Variants in SDK1 observed in about 807,000 individuals in gnomAD.
The protein encoded by SDK1 is sidekick cell adhesion molecule 1, also known as protein sidekick-1.
A neutral mutation model predicts 245.5 loss-of-function variants in SDK1; 157 were observed. That is an observed-to-expected ratio of 0.64 (90% CI 0.56 to 0.73). The LOEUF is 0.73. Ranked by LOEUF, SDK1 falls within the 30% of genes least tolerant of loss-of-function variation. SDK1 has a pLI of 0.00. For synonymous variants in SDK1, 1,647 were observed against 1,278.5 expected (o/e 1.29, Z -6.15); for missense variants, 3,583 against 3,002.3 (o/e 1.19, Z -4.52).
rs936481410 is a variant in SDK1 at position 4,041,831 on chromosome 7, T to C, written c.2603-7517T>C. 2.2e-4 allele frequency among the ~76,000 whole-genome samples: 30 copies of C among 136,336 alleles called. 8 individuals are homozygous for C. Among genetic ancestry groups the C allele is most frequent in the African/African-American group, 9.4e-4 (28 of 29,740 alleles). The allele number at this position is 136,336 out of a possible 152,430, so 89.4% of individuals were successfully genotyped here. A position where few individuals can be genotyped will look rare whatever the true frequency, so the allele number is the denominator to read the frequency against. On this transcript the variant is annotated intron_variant, in intron 17 of 44. Transcript: ENST00000404826. ...ACAGCTGCAATTTTTTTTTTCTTTT[T>C]TGTGACGGAGTCTCGCTCCCTTGCC...
chr7:4,126,957 CCTT>C (rs1320335711), intron 25 of SDK1, among the ~76,000 whole-genome samples: 1 of 152,156 alleles, frequency 6.6e-6, no homozygotes, highest in African/African-American at 2.4e-5. Flanking sequence ...CCTCCCTTCC[CCTT>C]CTTTTGTGTA....
At chr7:3,719,460 G>A (rs1785300151) in intron 4 of SDK1, among the ~76,000 whole-genome samples, 1 of 152,052 alleles carries the variant, frequency 6.6e-6, no homozygotes, top group Admixed American at 6.5e-5. Flanking sequence ...AGGTCAGTAG[G>A]ACAAGACAGA....
intron 1 of SDK1, among the ~76,000 whole-genome samples, chr7:3,329,383 C>G (rs1780012766): frequency 6.6e-6 from 1 of 152,274 alleles, no homozygotes; most frequent in East Asian, 1.9e-4. Context: ...TACAATTCAC[C>G]TACCATATAA....
chr7:3,962,616 G>C, intron 8 of SDK1, 41 bp from the exon 9 acceptor site: 1 of 1,496,228 alleles, frequency 6.7e-7, no homozygotes, highest in Non-Finnish European at 9.1e-7. Context: ...CTCACGTCAG[G>C]AATTATTTTT....
Position 4,241,828 on chromosome 7 carries a change from C to G in SDK1, c.6166C>G (p.Leu2056Val). The G allele has an allele frequency of 1.2e-6, 2 of 1,614,162 alleles. No individual in the cohort carries two copies. The highest frequency in any genetic ancestry group is 1.7e-6 in the Non-Finnish European group (2 of 1,180,026). Residue 2056 changes from leucine to valine, a missense_variant, in exon 43 of 45, where the codon CTG (leucine) becomes GTG (valine). Physicochemically the swap from Leu to Val is conservative, Grantham distance 32. Transcript: ENST00000404826. The stretch of plus-strand genomic sequence containing the variant: ...CTCCACCATGGAGGAGTCTGTGACC[C>G]TGGACAACGGAGGATTTGCTGCCCT... The part of the protein sequence containing the change: ...GISTMEESVT[L>V]DNGGFAALEL...
chr7:3,964,319 C>T (rs1483806840), intron 9 of SDK1, among the ~76,000 whole-genome samples: 1 of 152,184 alleles, frequency 6.6e-6, no homozygotes, highest in African/African-American at 2.4e-5. Flanking sequence ...CCCTCCTCTT[C>T]TCAGGGTAGC....
At chr7:3,322,523 C>A (rs1779842991) in intron 1 of SDK1, among the ~76,000 whole-genome samples, 3 of 152,168 alleles carry the variant, frequency 2.0e-5, no homozygotes, top group Admixed American at 2.0e-4. Context: ...ATATGGCAAT[C>A]CTGTGTTTCA....
At chr7:3,710,376 A>G (rs917289902) in intron 4 of SDK1, among the ~76,000 whole-genome samples, 2 of 152,182 alleles carry the variant, frequency 1.3e-5, no homozygotes, top group Admixed American at 6.5e-5. Flanking sequence ...CTGTTGTTTC[A>G]TGTTATTTTA....
intron 28 of SDK1, among the ~76,000 whole-genome samples, chr7:4,143,654 G>T (rs903335335): frequency 3.9e-5 from 6 of 152,318 alleles, no homozygotes; most frequent in Middle Eastern, 6.8e-3. Flanking sequence ...ATGCTTCTGC[G>T]CAGTGGGCCC....
chr7:3,345,422 C>G (rs1325579714), intron 1 of SDK1, among the ~76,000 whole-genome samples: 1 of 152,012 alleles, frequency 6.6e-6, no homozygotes, highest in Non-Finnish European at 1.5e-5. Flanking sequence ...TGAGAATTTC[C>G]TGAAAAAAAT....
rs554570578 is a variant in SDK1 at position 3,683,501 on chromosome 7, T to G, written c.713+41396T>G. ...AATCTTCTGTTAAGATTTTGTTCAC[T>G]TCATGAGGACAAGAAACTCACATAT... On this transcript the variant is annotated intron_variant, in intron 4 of 44. Coordinates refer to ENST00000404826, the MANE Select transcript of SDK1 (RefSeq NM_152744.4). Among the ~76,000 whole-genome samples the G allele has an allele frequency of 4.6e-5, 7 of 152,344 alleles. No individual in the cohort carries two copies. In the East Asian group the frequency reaches 1.4e-3, roughly 29 times the overall value.
chr7:4,223,242 A>G (rs1018409755), intron 40 of SDK1, among the ~76,000 whole-genome samples: 1 of 152,216 alleles, frequency 6.6e-6, no homozygotes, highest in Non-Finnish European at 1.5e-5. Flanking sequence ...GTGAGCTTGG[A>G]TGGGGAAAAT....
intron 1 of SDK1, among the ~76,000 whole-genome samples, chr7:3,305,504 G>T (rs907988782): frequency 2.0e-5 from 3 of 152,132 alleles, no homozygotes; most frequent in African/African-American, 7.2e-5. Context: ...AGAGTGTTGA[G>T]TTCACTACAA....
chr7:3,482,255 A>G (rs1016114051), intron 1 of SDK1, among the ~76,000 whole-genome samples: 17 of 152,214 alleles, frequency 1.1e-4, no homozygotes, highest in African/African-American at 4.1e-4. Flanking sequence ...TTGAAAATGT[A>G]TTTCTGACCA....
chr7:3,974,310 G>A (rs1388465670), intron 12 of SDK1, 59 bp from the exon 13 acceptor site: 3 of 1,435,252 alleles, frequency 2.1e-6, no homozygotes, highest in East Asian at 2.3e-5. Flanking sequence ...AGACAGGGAA[G>A]GAGCAGTGAT....
intron 1 of SDK1, among the ~76,000 whole-genome samples, chr7:3,602,765 C>G (rs145477518): frequency 0.24 from 35,673 of 151,706 alleles, 4,302 homozygotes; most frequent in South Asian, 0.31. Context: ...CCTATGTCCT[C>G]AATGGTATTG....
chr7:3,539,206 C>T (rs934166760), intron 1 of SDK1, among the ~76,000 whole-genome samples: 1 of 152,148 alleles, frequency 6.6e-6, no homozygotes, highest in Non-Finnish European at 1.5e-5. Flanking sequence ...CAGGGGATCT[C>T]ACTTGGACCT....
intron 4 of SDK1, among the ~76,000 whole-genome samples, chr7:3,717,779 C>A (rs781747484): frequency 6.6e-5 from 10 of 152,002 alleles, no homozygotes; most frequent in Non-Finnish European, 1.3e-4. Context: ...GCAGTTAAAC[C>A]CTCCCCACTT....
chr7:3,580,754 G>A (rs954267408), intron 1 of SDK1, among the ~76,000 whole-genome samples: 1 of 151,974 alleles, frequency 6.6e-6, no homozygotes, highest in African/African-American at 2.4e-5. Context: ...GGAGCATGAG[G>A]TCAAGAGATT....
Sources: allele counts gnomAD v4.1 joint callset (sites outside exome capture counted in the v4.1 genomes callset), GRCh38; gene constraint gnomAD v4.1.1; transcripts MANE v1.5; gene names NCBI Gene and HGNC (gene_info 2026-07-23, HGNC 2026-07-21).